EYA2: variants seen among roughly 807,000 people sequenced by gnomAD.
EYA2 encodes protein phosphatase EYA2.
Under a neutral mutation model 69.2 loss-of-function variants are expected in EYA2, and 31 were observed. That is an observed-to-expected ratio of 0.45 (90% confidence interval 0.34 to 0.60). The LOEUF is 0.60. Ranked by LOEUF, EYA2 falls within the 20% of genes least tolerant of loss-of-function variation. The pLI is 0.02. For synonymous variants in EYA2, 257 were observed against 279.4 expected, an observed-to-expected ratio of 0.92 and a Z score of 0.80; for missense variants, 622 against 701.2, an observed-to-expected ratio of 0.89 and a Z score of 1.28.
chr20:46,963,021 C>G (rs1979564673), intron 1 of EYA2, among the ~76,000 whole-genome samples: 1 of 151,682 alleles, frequency 6.6e-6, no homozygotes, highest in African/African-American at 2.4e-5. Flanking sequence ...CGCTCTACCC[C>G]TCCACCCCGT....
chr20:47,066,448 T>A (rs1195199430), intron 5 of EYA2, among the ~76,000 whole-genome samples: 1 of 152,118 alleles, frequency 6.6e-6, no homozygotes, highest in East Asian at 1.9e-4. Context: ...AGACTCAAAA[T>A]AGCAATGTCT....
intron 1 of EYA2, among the ~76,000 whole-genome samples, chr20:46,898,665 T>C (rs1983938886): frequency 6.6e-6 from 1 of 152,168 alleles, no homozygotes; most frequent in Admixed American, 6.5e-5. Context: ...CTAACACCCT[T>C]TTCTAGTCGG....
intron 1 of EYA2, among the ~76,000 whole-genome samples, chr20:46,917,533 A>G (rs6018168): frequency 0.14 from 21,800 of 152,206 alleles, 2,272 homozygotes; most frequent in East Asian, 0.48. Flanking sequence ...AGCGAAGTGG[A>G]TGTGAAGAGT....
In EYA2 at chr20:47,065,630, G is replaced by A. The variant is rs1041059795; in HGVS notation, c.416-6555G>A. Among the ~76,000 whole-genome samples, 5 of 152,260 alleles carry A rather than the reference G, an allele frequency of 3.3e-5. No individual in the cohort carries two copies. In the East Asian group the frequency reaches 7.7e-4, roughly 23 times the overall value. ...TTATAATTTTTAATAAATTAAAAGC[G>A]TGATTTTTTTATTAGATTTAACAGG... On this transcript the variant is annotated intron_variant, in intron 5 of 15. Coordinates refer to ENST00000327619, the MANE Select transcript of EYA2 (RefSeq NM_005244.5).
chr20:46,897,474 G>C lies in EYA2; in HGVS notation c.-11+2487G>C, dbSNP rs1390362123. ...TCAGTTACTTTTCCAAAGACAACTT[G>C]CATCGGGCGCAAGAGAGCAGAGTTA... On this transcript the variant is annotated intron_variant, in intron 1 of 15. Transcript: ENST00000327619. Among the ~76,000 whole-genome samples the C allele has an allele frequency of 2.0e-5, 3 of 152,332 alleles. No homozygotes were observed. The East Asian group carries it at 5.8e-4, about 29-fold the overall frequency.
intron 2 of EYA2, among the ~76,000 whole-genome samples, chr20:46,991,054 A>T (rs1293086731): frequency 1.3e-5 from 2 of 152,262 alleles, no homozygotes; most frequent in African/African-American, 4.8e-5. Flanking sequence ...TTGGGCTCTC[A>T]TGCCAAAACT....
At chr20:47,109,411 A>G (rs1228040174) in intron 9 of EYA2, among the ~76,000 whole-genome samples, 1 of 152,018 alleles carries the variant, frequency 6.6e-6, no homozygotes, top group Non-Finnish European at 1.5e-5. Flanking sequence ...TCCCCTCCCT[A>G]TATAGCTCAG....
intron 10 of EYA2, among the ~76,000 whole-genome samples, chr20:47,165,852 G>C (rs1176315899): frequency 6.6e-6 from 1 of 151,930 alleles, no homozygotes; most frequent in African/African-American, 2.4e-5. Flanking sequence ...AGATGCCACT[G>C]ACCCCTCTCT....
At chr20:47,106,794 C>T (rs1228011880) in intron 9 of EYA2, among the ~76,000 whole-genome samples, 2 of 152,116 alleles carry the variant, frequency 1.3e-5, no homozygotes, top group East Asian at 3.9e-4. Context: ...ACCAGTGCCA[C>T]TCGCTCAGCA....
chr20:46,896,785 G>A (rs1386751357), intron 1 of EYA2, among the ~76,000 whole-genome samples: 1 of 152,124 alleles, frequency 6.6e-6, no homozygotes, highest in Non-Finnish European at 1.5e-5. Flanking sequence ...TTACTTTAAA[G>A]CAGTTTATAT....
intron 9 of EYA2, among the ~76,000 whole-genome samples, chr20:47,112,656 A>AT (rs918708093): frequency 1.3e-5 from 2 of 152,122 alleles, no homozygotes; most frequent in African/African-American, 2.4e-5. Flanking sequence ...CCAAAAAAAA[A>AT]GCACTTAGGC....
chr20:46,968,436 A>G (rs1979923566), intron 1 of EYA2, among the ~76,000 whole-genome samples: 1 of 152,034 alleles, frequency 6.6e-6, no homozygotes, highest in Non-Finnish European at 1.5e-5. Flanking sequence ...TCTTATCCCC[A>G]TTGTACAGAT....
chr20:46,951,404 CGTTT>C (rs1458110455), intron 1 of EYA2, among the ~76,000 whole-genome samples: 2 of 152,164 alleles, frequency 1.3e-5, no homozygotes, highest in Non-Finnish European at 2.9e-5. Flanking sequence ...TTCTCTAAGT[CGTTT>C]GCTAGCCTGA....
chr20:47,097,060 A>T, intron 8 of EYA2, 25 bp from the exon 9 acceptor site: 1 of 1,588,382 alleles, frequency 6.3e-7, no homozygotes, highest in Admixed American at 1.7e-5. Flanking sequence ...ATTTTTCTCC[A>T]TTCTCTTCCT....
At chr20:47,030,332 G>A (rs1984335594) in intron 5 of EYA2, among the ~76,000 whole-genome samples, 1 of 152,208 alleles carries the variant, frequency 6.6e-6, no homozygotes, top group South Asian at 2.1e-4. Context: ...GCACCCCCTA[G>A]GGGTACTGCA....
chr20:47,029,030 T>TA (rs1416780316), intron 5 of EYA2, among the ~76,000 whole-genome samples: 2 of 152,216 alleles, frequency 1.3e-5, no homozygotes, highest in Non-Finnish European at 2.9e-5. Flanking sequence ...AAATAAAACT[T>TA]ACTGTGCAAG....
chr20:47,024,617 C>A (rs1983973101), intron 5 of EYA2, among the ~76,000 whole-genome samples: 1 of 152,246 alleles, frequency 6.6e-6, no homozygotes, highest in Non-Finnish European at 1.5e-5. Context: ...ATTCCAGCCA[C>A]ATTAGCCTCC....
intron 5 of EYA2, among the ~76,000 whole-genome samples, chr20:47,049,944 T>G (rs1382153957): frequency 1.5e-4 from 23 of 151,330 alleles, no homozygotes; most frequent in Admixed American, 1.4e-3. Flanking sequence ...TTGGCAGTTG[T>G]CCCTCAATAT....
At position 46,926,453 on chromosome 20, in the gene EYA2, A is replaced by G. The variant is rs571551633; in HGVS notation, c.-11+31466A>G. Reference sequence around the variant, plus strand: ...CAAGGGCAGGGGAAGATGAGATGAGATGTCCCAGTTCAAGCAATGAGACAG... The same window carrying G: ...CAAGGGCAGGGGAAGATGAGATGAGGTGTCCCAGTTCAAGCAATGAGACAG... On this transcript the variant is annotated intron_variant, in intron 1 of 15. Coordinates refer to ENST00000327619, the MANE Select transcript of EYA2 (RefSeq NM_005244.5). Among the ~76,000 whole-genome samples, 3 of 152,330 alleles carry G rather than the reference A, an allele frequency of 2.0e-5. No homozygotes were observed. The South Asian group carries it at 6.2e-4, about 32-fold the overall frequency.
Sources: allele counts gnomAD v4.1 joint callset (sites outside exome capture counted in the v4.1 genomes callset), GRCh38; gene constraint gnomAD v4.1.1; transcripts MANE v1.5; gene names NCBI Gene and HGNC (gene_info 2026-07-23, HGNC 2026-07-21).